The following HDAC9 variants were observed in gnomAD, a reference collection of about 807,000 sequenced individuals.
The protein encoded by HDAC9 is MEF-2 interacting transcription repressor (MITR) protein.
In HDAC9, 41 loss-of-function variants were observed where a neutral mutation model predicts 139.4. That is an observed-to-expected ratio of 0.29 (90% confidence interval 0.23 to 0.38). The LOEUF is 0.38. Among genes scored for constraint, HDAC9 ranks in the 10% least tolerant of loss-of-function variants. The pLI is 1.00. For missense variants in HDAC9, 1,147 were observed against 1,297.0 expected, an observed-to-expected ratio of 0.88 and a Z score of 1.78; for synonymous variants, 517 against 476.2, an observed-to-expected ratio of 1.09 and a Z score of -1.12.
At chr7:18,965,714 G>T (rs1189349890) in intron 24 of HDAC9, among the ~76,000 whole-genome samples, 2 of 152,210 alleles carry the variant, frequency 1.3e-5, no homozygotes, top group Non-Finnish European at 2.9e-5. Context: ...AGAAATTTAT[G>T]CTCCAACTCC....
At chr7:18,624,517 G>A (rs184061956) in intron 6 of HDAC9, among the ~76,000 whole-genome samples, 17 of 152,142 alleles carry the variant, frequency 1.1e-4, no homozygotes, top group African/African-American at 4.1e-4. Context: ...GAGAATGATG[G>A]GTGTGGGGTA....
rs140394561 is a variant in HDAC9 at position 18,114,962 on chromosome 7, T to C, written c.-97+27749T>C. 2.8e-3 allele frequency among the ~76,000 whole-genome samples: 427 copies of C among 152,264 alleles called. 3 individuals are homozygous for C. The highest frequency in any genetic ancestry group is 9.9e-3 in the African/African-American group (411 of 41,542). ...TTTGTTCATACACTCCCAGGGAGCA[T>C]AGAGTATAGATTAGAAGTGTATAAG... On this transcript the variant is annotated intron_variant, in intron 1 of 12. Transcript: ENST00000417496.
chr7:18,349,094 G>T (rs1015432222), intron 1 of HDAC9, among the ~76,000 whole-genome samples: 1 of 151,872 alleles, frequency 6.6e-6, no homozygotes, highest in Admixed American at 6.6e-5. Flanking sequence ...TCTCCCATTG[G>T]CTTCCTAATG....
chr7:18,185,319 T>C (rs1435676965), intron 2 of HDAC9, among the ~76,000 whole-genome samples: 1 of 152,214 alleles, frequency 6.6e-6, no homozygotes, highest in Non-Finnish European at 1.5e-5. Flanking sequence ...TGACTTAATT[T>C]GACTTTTATG....
At chr7:18,176,192 G>T (rs1260836241) in intron 2 of HDAC9, among the ~76,000 whole-genome samples, 1 of 152,200 alleles carries the variant, frequency 6.6e-6, no homozygotes, top group Non-Finnish European at 1.5e-5. Context: ...TTTAATAAAA[G>T]CTGGTGACAG....
chr7:18,659,638 G>T (rs959375012), intron 11 of HDAC9, among the ~76,000 whole-genome samples: 1 of 152,074 alleles, frequency 6.6e-6, no homozygotes, highest in Non-Finnish European at 1.5e-5. Flanking sequence ...TAGAGAGACA[G>T]CCTGACAGAT....
intron 22 of HDAC9, among the ~76,000 whole-genome samples, chr7:18,917,521 C>T (rs973027143): frequency 3.3e-5 from 5 of 151,798 alleles, no homozygotes; most frequent in Non-Finnish European, 5.9e-5. Flanking sequence ...CTTGTCTGAA[C>T]GTTGTGGTGG....
At chr7:18,415,782 A>G (rs138966465) in intron 1 of HDAC9, among the ~76,000 whole-genome samples, 139 of 152,318 alleles carry the variant, frequency 9.1e-4, no homozygotes, top group Non-Finnish European at 1.5e-3. Context: ...TAATTCTGAA[A>G]TAACTGAGTA....
chr7:18,620,222 CAAT>C (rs1039842139), intron 6 of HDAC9, among the ~76,000 whole-genome samples: 1 of 151,800 alleles, frequency 6.6e-6, no homozygotes, highest in African/African-American at 2.4e-5. Flanking sequence ...CCTTGTTTCT[CAAT>C]ATTATTATTC....
At chr7:18,376,681 A>T (rs937515367) in intron 1 of HDAC9, among the ~76,000 whole-genome samples, 4 of 152,146 alleles carry the variant, frequency 2.6e-5, no homozygotes, top group Non-Finnish European at 5.9e-5. Flanking sequence ...GAGATGCTGA[A>T]GCTAAGGTCC....
At chr7:18,170,881 A>T (rs926151113) in intron 2 of HDAC9, among the ~76,000 whole-genome samples, 2 of 152,146 alleles carry the variant, frequency 1.3e-5, no homozygotes, top group Non-Finnish European at 2.9e-5. Context: ...AGGTAGCGTG[A>T]TGCCTCCAGC....
intron 2 of HDAC9, among the ~76,000 whole-genome samples, chr7:18,255,523 G>A (rs1415442776): frequency 6.6e-6 from 1 of 151,886 alleles, no homozygotes; most frequent in African/African-American, 2.4e-5. Context: ...ATTCAGCTCG[G>A]AAACATAGGT....
chr7:18,576,597 G>C (rs904783581), intron 2 of HDAC9, among the ~76,000 whole-genome samples: 1 of 151,052 alleles, frequency 6.6e-6, no homozygotes, highest in Non-Finnish European at 1.5e-5. Context: ...GGCAGGCAGA[G>C]GTTGCAGTGA....
intron 22 of HDAC9, among the ~76,000 whole-genome samples, chr7:18,934,047 C>G (rs1208426317): frequency 2.6e-5 from 4 of 151,964 alleles, no homozygotes; most frequent in Admixed American, 2.6e-4. Context: ...CCACCTACAT[C>G]TATGTGGAAC....
At chr7:18,609,963 A>AT (rs1836653605) in intron 6 of HDAC9, among the ~76,000 whole-genome samples, 1 of 152,046 alleles carries the variant, frequency 6.6e-6, no homozygotes, top group East Asian at 1.9e-4. Context: ...TGAACTCATC[A>AT]TTTTTTATGG....
At chr7:18,832,715 C>CA (rs1303403586) in intron 19 of HDAC9, among the ~76,000 whole-genome samples, 5 of 147,846 alleles carry the variant, frequency 3.4e-5, no homozygotes, top group African/African-American at 9.9e-5. Context: ...GCAAGGAAAA[C>CA]AAACAAAAAA....
chr7:18,133,561 A>G (rs11768276), intron 1 of HDAC9, among the ~76,000 whole-genome samples: 24,861 of 152,022 alleles, frequency 0.16, 2,468 homozygotes, highest in South Asian at 0.34. Context: ...CAATTTTGCA[A>G]TTATAGGATG....
At chr7:18,753,763 T>C (rs965057364) in intron 14 of HDAC9, among the ~76,000 whole-genome samples, 1 of 152,132 alleles carries the variant, frequency 6.6e-6, no homozygotes, top group African/African-American at 2.4e-5. Flanking sequence ...AGTTTTGCCA[T>C]TAATTATCTG....
At chr7:18,620,752 T>C (rs1221492954) in intron 6 of HDAC9, among the ~76,000 whole-genome samples, 1 of 152,126 alleles carries the variant, frequency 6.6e-6, no homozygotes, top group Non-Finnish European at 1.5e-5. Context: ...CATGCTCCTG[T>C]TACTTACGGC....
Sources: allele counts gnomAD v4.1 joint callset (sites outside exome capture counted in the v4.1 genomes callset), GRCh38; gene constraint gnomAD v4.1.1; transcripts MANE v1.5; gene names NCBI Gene and HGNC (gene_info 2026-07-23, HGNC 2026-07-21).